STPG2: variants seen among roughly 807,000 people sequenced by gnomAD.
STPG2 encodes sperm-tail PG-rich repeat-containing protein 2.
A neutral mutation model predicts 54.2 loss-of-function variants in STPG2; 56 were observed. The ratio of observed to expected loss-of-function variants is 1.03; its 90% confidence interval spans 0.83 to 1.29. The LOEUF (loss-of-function observed/expected upper bound fraction) is 1.29. STPG2 is among the 50% of genes most tolerant of loss of function. The pLI is 0.00. For missense variants in STPG2, 596 were observed against 544.9 expected (o/e 1.09, Z -0.93); for synonymous variants, 200 against 181.8 (o/e 1.10, Z -0.81).
At chr4:97,803,601 C>T (rs899106343) in intron 9 of STPG2, among the ~76,000 whole-genome samples, 1 of 152,090 alleles carries the variant, frequency 6.6e-6, no homozygotes, top group African/African-American at 2.4e-5. Flanking sequence ...GTGTTAATAG[C>T]GTAATCTCAG....
intron 5 of STPG2, among the ~76,000 whole-genome samples, chr4:98,090,310 C>T (rs749032729): frequency 1.3e-5 from 2 of 152,072 alleles, no homozygotes. Context: ...ATAGACTGTC[C>T]TTTCCCAATT....
At chr4:97,982,603 T>C (rs1046002015) in intron 5 of STPG2, among the ~76,000 whole-genome samples, 3 of 152,242 alleles carry the variant, frequency 2.0e-5, no homozygotes, top group Admixed American at 1.3e-4. Flanking sequence ...TAATAAGGCC[T>C]CTACTGCATT....
chr4:98,039,464 T>C (rs1299305395), intron 5 of STPG2, among the ~76,000 whole-genome samples: 1 of 124,372 alleles, frequency 8.0e-6, no homozygotes, highest in Non-Finnish European at 1.8e-5. Context: ...ACATATTTCT[T>C]TTGTGTATAT....
chr4:98,016,533 G>A (rs1240756320), intron 5 of STPG2, among the ~76,000 whole-genome samples: 1 of 152,026 alleles, frequency 6.6e-6, no homozygotes, highest in Non-Finnish European at 1.5e-5. Context: ...GCTAGATCAA[G>A]TCTGCCATTA....
chr4:97,988,592 T>A (rs937389979), intron 5 of STPG2, among the ~76,000 whole-genome samples: 5 of 152,158 alleles, frequency 3.3e-5, no homozygotes, highest in African/African-American at 9.7e-5. Flanking sequence ...AATAAGTGCA[T>A]TAGCCATTTC....
intron 10 of STPG2, among the ~76,000 whole-genome samples, chr4:97,692,193 ATTGCCAGAAAAAGAATTCAGAAAG>A (rs1041892394): frequency 6.6e-5 from 10 of 151,716 alleles, no homozygotes; most frequent in Non-Finnish European, 8.8e-5. Context: ...AAATTTCTGA[ATTGCCAGAAAAAGAATTCAGAAAG>A]TTGACCATTA....
At chr4:97,966,637 C>A (rs1244059214) in intron 7 of STPG2, among the ~76,000 whole-genome samples, 1 of 152,122 alleles carries the variant, frequency 6.6e-6, no homozygotes, top group Non-Finnish European at 1.5e-5. Flanking sequence ...GGTCGGGTTA[C>A]CCACAAAGAG....
At position 97,974,489 on chromosome 4, in the gene STPG2, G is replaced by T. The variant is rs559946545; in HGVS notation, c.773-2049C>A. 4.6e-5 allele frequency among the ~76,000 whole-genome samples: 7 copies of T among 152,294 alleles called. No homozygotes were observed. The South Asian group carries it at 1.2e-3, about 27-fold the overall frequency. ...GAGGGGCCCAGGGTAGAATGATATG[G>T]TTTGGCTCTGTCCCCACCCAAATTT... On this transcript the variant is annotated intron_variant, in intron 6 of 10. Coordinates refer to ENST00000295268, the MANE Select transcript of STPG2 (RefSeq NM_174952.3).
rs1027563193 is a variant in STPG2, at chr4:97,637,406, G to A, written c.1320+75293C>T. On this transcript the variant is annotated intron_variant, in intron 10 of 10. Coordinates refer to ENST00000295268, the MANE Select transcript of STPG2 (RefSeq NM_174952.3). Reference sequence around the variant, plus strand: ...ATATCATACTGAATGGGCAAAAACTGGAAGCATTCCCTTTGAAAACTGGCA... The same window carrying A: ...ATATCATACTGAATGGGCAAAAACTAGAAGCATTCCCTTTGAAAACTGGCA... Among the ~76,000 whole-genome samples the A allele has an allele frequency of 4.1e-3, 627 of 152,188 alleles. 2 individuals are homozygous for A. The highest frequency in any genetic ancestry group is 0.02 in the South Asian group (96 of 4,818).
At chr4:97,449,423 T>C (rs1729310507) in intron 4 of STPG2, among the ~76,000 whole-genome samples, 1 of 152,102 alleles carries the variant, frequency 6.6e-6, no homozygotes, top group Non-Finnish European at 1.5e-5. Flanking sequence ...ATTCAACATA[T>C]CAATGAAAAC....
intron 4 of STPG2, among the ~76,000 whole-genome samples, chr4:97,481,176 T>G (rs1229472835): frequency 6.6e-6 from 1 of 151,588 alleles, no homozygotes; most frequent in Non-Finnish European, 1.5e-5. Flanking sequence ...TGAATAACTT[T>G]AGCATCTATG....
intron 8 of STPG2, among the ~76,000 whole-genome samples, chr4:97,907,899 TA>T (rs1217149714): frequency 3.3e-5 from 5 of 152,164 alleles, no homozygotes; most frequent in Admixed American, 3.3e-4. Context: ...ACGTTAGACC[TA>T]AAACCATAAA....
intron 10 of STPG2, among the ~76,000 whole-genome samples, chr4:97,647,477 C>T (rs113092815): frequency 0.015 from 2,253 of 152,256 alleles, 52 homozygotes; most frequent in African/African-American, 0.052. Context: ...CCTCCATCCT[C>T]TGCTTCCTCC....
chr4:98,114,057 CTCCTCT>C (rs1739438364), intron 3 of STPG2, among the ~76,000 whole-genome samples: 1 of 56,142 alleles, frequency 1.8e-5, no homozygotes, highest in African/African-American at 8.1e-5. Context: ...ACACTCCTCT[CTCCTCT>C]TCTTATAGGG....
chr4:97,756,471 G>A (rs753271117), intron 9 of STPG2, among the ~76,000 whole-genome samples: 7 of 152,140 alleles, frequency 4.6e-5, no homozygotes, highest in South Asian at 2.1e-4. Flanking sequence ...ACAGGTGCCC[G>A]CCACCATGCC....
chr4:97,577,065 G>T (rs1732742395), intron 10 of STPG2, among the ~76,000 whole-genome samples: 1 of 152,182 alleles, frequency 6.6e-6, no homozygotes, highest in Middle Eastern at 3.4e-3. Flanking sequence ...AGTCAGAATG[G>T]CTATTACTAA....
rs544992330 is a variant in STPG2, at chr4:97,591,574, C to A, written c.1321-32457G>T. Among the ~76,000 whole-genome samples, 181 of 152,228 alleles carry A rather than the reference C, an allele frequency of 1.2e-3. 1 individual carries two copies. Among genetic ancestry groups the A allele is most frequent in the African/African-American group, 4.2e-3 (175 of 41,540 alleles). On this transcript the variant is annotated intron_variant, in intron 10 of 10. Transcript: ENST00000295268. ...CCTGATTCTTCCACAGATCACCACA[C>A]TTGAAGGTGAAAAATGATGTGAAAT...
At chr4:98,104,945 A>C (rs147888253) in intron 5 of STPG2, among the ~76,000 whole-genome samples, 181 of 152,326 alleles carry the variant, frequency 1.2e-3, no homozygotes, top group African/African-American at 4.2e-3. Flanking sequence ...AACCTAACTT[A>C]ATAGGCAGAC....
intron 7 of STPG2, among the ~76,000 whole-genome samples, chr4:97,971,297 A>G (rs1734316239): frequency 6.6e-6 from 1 of 152,226 alleles, no homozygotes; most frequent in South Asian, 2.1e-4. Flanking sequence ...CAATCCCATT[A>G]TTGGGTATAT....
Sources: gnomAD v4.1 joint callset for allele counts (sites outside exome capture counted in the v4.1 genomes callset) on GRCh38, gnomAD v4.1.1 for gene constraint, MANE v1.5 for transcripts, NCBI Gene and HGNC (gene_info 2026-07-23, HGNC 2026-07-21) for gene names.